SYT14: variants seen among roughly 807,000 people sequenced by gnomAD.
SYT14 encodes synaptotagmin 14, also known as synaptotagmin-14.
In SYT14, 32 loss-of-function variants were observed where a neutral mutation model predicts 74.2. The ratio of observed to expected loss-of-function variants is 0.43; its 90% CI spans 0.33 to 0.58. The LOEUF (loss-of-function observed/expected upper bound fraction) is 0.58, where lower values mean the gene tolerates loss of function less well. Among genes scored for constraint, SYT14 ranks in the 20% least tolerant of loss-of-function variants. SYT14 has a pLI of 0.05. For synonymous variants in SYT14, 298 were observed against 337.7 expected (o/e 0.88, Z 1.29); for missense variants, 791 against 981.8 (o/e 0.81, Z 2.60).
chr1:210,004,395 G>A (rs772818217), intron 2 of SYT14, among the ~76,000 whole-genome samples: 5 of 151,824 alleles, frequency 3.3e-5, no homozygotes, highest in Non-Finnish European at 7.4e-5. Context: ...TAAGTAACAC[G>A]GGTTTATATA....
At chr1:210,070,605 A>G (rs2081374230) in intron 5 of SYT14, among the ~76,000 whole-genome samples, 1 of 152,100 alleles carries the variant, frequency 6.6e-6, no homozygotes, top group Non-Finnish European at 1.5e-5. Context: ...AGGCCTATGG[A>G]GTTTAGTAAC....
At chr1:210,156,316 A>G (rs2083265969) in intron 8 of SYT14, among the ~76,000 whole-genome samples, 1 of 152,066 alleles carries the variant, frequency 6.6e-6, no homozygotes, top group South Asian at 2.1e-4. Flanking sequence ...ATTTACTTCT[A>G]TATTTTCCTT....
intron 5 of SYT14, among the ~76,000 whole-genome samples, chr1:210,026,067 C>G (rs1470679876): frequency 6.6e-6 from 1 of 151,180 alleles, no homozygotes; most frequent in African/African-American, 2.4e-5. Flanking sequence ...CATGTTTTCT[C>G]CTCTAGGTGG....
At chr1:210,019,478 C>T (rs2080259615) in intron 4 of SYT14, among the ~76,000 whole-genome samples, 1 of 152,078 alleles carries the variant, frequency 6.6e-6, no homozygotes, top group Non-Finnish European at 1.5e-5. Context: ...GCATGGGGAA[C>T]TGGGTTTTAA....
At chr1:210,164,333 C>T (rs1291793731) in exon 10 of SYT14, 2 of 217,980 alleles carry the variant, frequency 9.2e-6, no homozygotes, top group African/African-American at 4.7e-5. Flanking sequence ...GATTAATATA[C>T]ACATGTTTAA....
intron 7 of SYT14, among the ~76,000 whole-genome samples, chr1:210,101,046 A>G (rs928178576): frequency 6.6e-6 from 1 of 152,150 alleles, no homozygotes; most frequent in Non-Finnish European, 1.5e-5. Flanking sequence ...ACTTTGAGCT[A>G]GTTCTCTCTT....
intron 7 of SYT14, among the ~76,000 whole-genome samples, chr1:210,120,053 T>C (rs2082428406): frequency 6.6e-6 from 1 of 152,238 alleles, no homozygotes; most frequent in Non-Finnish European, 1.5e-5. Context: ...GAATTGTTTT[T>C]ATAGGCTATA....
intron 7 of SYT14, among the ~76,000 whole-genome samples, chr1:210,150,830 T>C (rs1369114051): frequency 6.6e-6 from 1 of 152,166 alleles, no homozygotes; most frequent in Admixed American, 6.5e-5. Context: ...AAGCTGGAAG[T>C]AATTTAATAT....
intron 7 of SYT14, among the ~76,000 whole-genome samples, chr1:210,116,362 TAG>T (rs1453576793): frequency 6.6e-6 from 1 of 152,198 alleles, no homozygotes; most frequent in East Asian, 1.9e-4. Context: ...TGTTTTGAGA[TAG>T]AGTCTCACTC....
chr1:210,164,264 G>A, exon 10 of SYT14: 2 of 230,772 alleles, frequency 8.7e-6, no homozygotes, highest in East Asian at 1.1e-4. Flanking sequence ...TTGCTGACAA[G>A]AATAATAAAT....
intron 5 of SYT14, among the ~76,000 whole-genome samples, chr1:210,054,563 C>A (rs969484603): frequency 6.6e-6 from 1 of 151,836 alleles, no homozygotes; most frequent in African/African-American, 2.4e-5. Context: ...TAGAGATTGT[C>A]ATATGTAACA....
intron 5 of SYT14, among the ~76,000 whole-genome samples, chr1:210,055,380 G>GTATAAATGTATAAAATTAAA (rs1313259102): frequency 6.6e-6 from 1 of 152,100 alleles, no homozygotes; most frequent in Non-Finnish European, 1.5e-5. Flanking sequence ...AATTAAATAG[G>GTATAAATGTATAAAATTAAA]TATGCCCATT....
intron 5 of SYT14, among the ~76,000 whole-genome samples, chr1:210,025,614 A>G (rs2080395003): frequency 6.6e-6 from 1 of 151,866 alleles, no homozygotes; most frequent in African/African-American, 2.4e-5. Flanking sequence ...ACTCCTACAA[A>G]TCTGCAGGAG....
chr1:209,961,598 A>T (rs1216076523), intron 2 of SYT14, among the ~76,000 whole-genome samples: 1 of 152,166 alleles, frequency 6.6e-6, no homozygotes. Context: ...TTCTCTGAGG[A>T]TCAAGTGAAA....
intron 1 of SYT14, among the ~76,000 whole-genome samples, chr1:209,945,068 C>CT (rs2078801298): frequency 6.6e-6 from 1 of 152,106 alleles, no homozygotes; most frequent in Non-Finnish European, 1.5e-5. Context: ...ATTAAGACAT[C>CT]TTTTTTCCTG....
At chr1:210,077,622 A>G (rs1284986404) in intron 5 of SYT14, among the ~76,000 whole-genome samples, 3 of 152,176 alleles carry the variant, frequency 2.0e-5, no homozygotes, top group East Asian at 1.9e-4. Context: ...TACAAGTCAA[A>G]TTGCAGGGTC....
chr1:210,016,005 T>G (rs2080175244), exon 4 of SYT14: 1 of 1,231,896 alleles, frequency 8.1e-7, no homozygotes, highest in Admixed American at 4.2e-5. Context: ...AATTAGAAAA[T>G]GGCATTTTTC....
chr1:210,126,908 G>A (rs1451352595), intron 7 of SYT14, among the ~76,000 whole-genome samples: 2 of 152,122 alleles, frequency 1.3e-5, no homozygotes, highest in African/African-American at 4.8e-5. Flanking sequence ...TCATAGCTCT[G>A]ATCAATTTAA....
At chr1:210,161,204 A>G (rs1408372595) in exon 10 of SYT14, 12 of 778,120 alleles carry the variant, frequency 1.5e-5, no homozygotes, top group African/African-American at 3.4e-5. Context: ...TCATACTGAC[A>G]TAAATGAAGA....
Sources: allele counts gnomAD v4.1 joint callset (sites outside exome capture counted in the v4.1 genomes callset), GRCh38; gene constraint gnomAD v4.1.1; transcripts MANE v1.5; gene names NCBI Gene and HGNC (gene_info 2026-07-23, HGNC 2026-07-21).